The following DQX1 variants were observed in gnomAD, a reference collection of about 807,000 sequenced individuals.
DQX1 encodes ATP-dependent RNA helicase homolog DQX1.
A neutral mutation model predicts 81.3 loss-of-function variants in DQX1; 66 were observed. That is an observed-to-expected ratio of 0.81 (90% confidence interval 0.67 to 1.00). DQX1 has a LOEUF of 1.00. Among genes scored for constraint, DQX1 ranks in the 50% least tolerant of loss-of-function variants. The pLI is 0.00. For synonymous variants in DQX1, 290 were observed against 350.0 expected (o/e 0.83, Z 1.91); for missense variants, 798 against 867.9 (o/e 0.92, Z 1.01).
chr2:74,519,302 G>C (rs1028956361), intron 10 of DQX1, 72 bp from the exon 11 acceptor site: 2 of 1,477,488 alleles, frequency 1.4e-6, no homozygotes, highest in Non-Finnish European at 1.8e-6. Context: ...AAATAAAAGG[G>C]GATTGAGAAA....
At chr2:74,523,654 C>G (rs533094538) in intron 4 of DQX1, 117 bp from the exon 5 acceptor site, 21 of 1,054,216 alleles carry the variant, frequency 2.0e-5, no homozygotes, top group Middle Eastern at 6.0e-4. Context: ...GCAAATTACT[C>G]ATAAAGTTGA....
rs761014338 is a variant in DQX1, at chr2:74,523,899, TTTTTG to T, written c.816+19_816+23del. On this transcript the variant is annotated intron_variant, in intron 4 of 11. Transcript: ENST00000404568. ...TGCAGGCTCATTTTGCAGGCTGTTTTTTTTGTTTTGTTTTGTTTTTTACCTCCTCA... is the reference window on the plus strand; with the variant it reads ...TGCAGGCTCATTTTGCAGGCTGTTTTTTTTGTTTTGTTTTTTACCTCCTCA... 5.9e-6 allele frequency: 9 copies of T among 1,527,048 alleles called. No individual in the cohort carries two copies. The highest frequency in any genetic ancestry group is 2.6e-5 in the South Asian group (2 of 77,672). 94.6% of individuals were successfully genotyped at this position (1,527,048 alleles called of 1,614,324 possible). A position where few individuals can be genotyped will look rare whatever the true frequency, so the allele number is the denominator to read the frequency against.
intron 3 of DQX1, 121 bp downstream of exon 3, chr2:74,524,888 T>C (rs774460326): frequency 4.7e-6 from 6 of 1,277,370 alleles, no homozygotes; most frequent in Non-Finnish European, 4.3e-6. Context: ...TTCTCCAAAA[T>C]AAATAAAATA....
Position 74,524,160 on chromosome 2 carries a change from T to C in DQX1, c.579A>G (p.Lys193=), listed in dbSNP as rs758515858. 3.1e-6 allele frequency: 5 copies of C among 1,613,888 alleles called. No individual in the cohort carries two copies. In the African/African-American group the frequency reaches 4.0e-5, roughly 13 times the overall value. Residue 193 remains lysine (K), a synonymous_variant, in exon 4 of 12, where the codon AAA becomes AAG. Coordinates refer to ENST00000404568, the MANE Select transcript of DQX1 (RefSeq NM_133637.3). ...CAACCACTCTGAGGTCCCCCGGAAG[T>C]TTTTCCAGCCTGGCATCTTGCAGTA... ...QGLLQDARLE[K]LPGDLRVVVV...
chr2:74,522,297 T>G (rs1319165534), intron 8 of DQX1, among the ~76,000 whole-genome samples: 1 of 152,106 alleles, frequency 6.6e-6, no homozygotes, highest in Non-Finnish European at 1.5e-5. Context: ...AGGATAGAAA[T>G]CATGCTGCAT....
chr2:74,525,391 A>C lies in DQX1; in HGVS notation c.237+102T>G. On this transcript the variant is annotated intron_variant, in intron 2 of 11. Coordinates refer to ENST00000404568, the MANE Select transcript of DQX1 (RefSeq NM_133637.3). The surrounding 1 kb of genome is among the most constrained non-coding windows in gnomAD (Gnocchi z 4.1). ...CCTTCCTCATGACCCCACGCAGCCCAGTCCCCCCTTGCCCAGGGAAAGGCC... is the reference window on the plus strand; with the variant it reads ...CCTTCCTCATGACCCCACGCAGCCCCGTCCCCCCTTGCCCAGGGAAAGGCC... 3.7e-6 allele frequency: 5 copies of C among 1,339,616 alleles called. No homozygotes were observed. Among genetic ancestry groups the C allele is most frequent in the Admixed American group, 2.1e-5 (1 of 46,886 alleles). 83.0% of individuals were successfully genotyped at this position (1,339,616 alleles called of 1,614,324 possible). A position where few individuals can be genotyped will look rare whatever the true frequency, so the allele number is the denominator to read the frequency against.
rs1205599692 is a variant in DQX1, at chr2:74,524,122, G to T, written c.617C>A (p.Pro206Gln). ...GDLRVVVVTD[P>Q]ALEPKLRAFW... ...AGCTCGGAGCTTAGGTTCAAGGGCT[G>T]GGTCAGTAACCACAACCACTCTGAG... is the stretch of plus-strand genomic sequence containing the variant. Residue 206 changes from proline to glutamine, a missense_variant, in exon 4 of 12, where the codon CCA (proline) becomes CAA (glutamine). Coordinates refer to ENST00000404568, the MANE Select transcript of DQX1 (RefSeq NM_133637.3). The T allele has an allele frequency of 8.1e-6, 13 of 1,614,152 alleles. No individual in the cohort carries two copies. Among genetic ancestry groups the T allele is most frequent in the Non-Finnish European group, 1.1e-5 (13 of 1,180,008 alleles).
chr2:74,523,633 T>G, intron 4 of DQX1, 96 bp from the exon 5 acceptor site: 1 of 1,210,844 alleles, frequency 8.3e-7, no homozygotes, highest in South Asian at 1.4e-5. Context: ...GGCCCTTCAC[T>G]CTGAGAAAAT....
Position 74,519,683 on chromosome 2 carries a change from T to G in DQX1, c.1679A>C (p.His560Pro). The change falls in exon 10 of 12, where the codon CAT becomes CCT. Residue 560 changes from histidine (H) to proline (P), a missense_variant. Physicochemically the swap from His to Pro is moderately conservative, Grantham distance 77 (BLOSUM62 -2). Transcript: ENST00000404568. The stretch of plus-strand genomic sequence containing the variant: ...TTCTAGGAGTTCTCCCCGAAGTTTA[T>G]GGGCTTGGCACAATGCTGCCCAATT... ...GLNWAALCQA[H>P]KLRGELLELM... 1 of 1,614,202 alleles carries G rather than the reference T, an allele frequency of 6.2e-7. No individual in the cohort carries two copies. The highest frequency in any genetic ancestry group is 8.5e-7 in the Non-Finnish European group (1 of 1,180,050).
At position 74,525,599 on chromosome 2, in the gene DQX1, G is replaced by T; in HGVS notation, c.131C>A (p.Ala44Asp). Residue 44 changes from alanine (A) to aspartate (D), a missense_variant, in exon 2 of 12, where the codon GCC (alanine) becomes GAC (aspartate). Ala to Asp is a moderately radical substitution (Grantham distance 126). Transcript: ENST00000404568. This position sits in a 1 kb window ranked among gnomAD's most constrained non-coding sequence, Gnocchi z 4.1. ...AAAGCGAGCAGCCCAGATGGGCAAG[G>T]CTTGGCGCTGCTTCAGCAGCTCATA... Reference protein sequence around the residue: ...RYYELLKQRQALPIWAARFTF... With the variant: ...RYYELLKQRQDLPIWAARFTF... 1 of 1,551,920 alleles carries T rather than the reference G, an allele frequency of 6.4e-7. No homozygotes were observed. Among genetic ancestry groups the T allele is most frequent in the Non-Finnish European group, 8.7e-7 (1 of 1,147,046 alleles).
chr2:74,520,734 C>T (rs1203271078), intron 8 of DQX1, among the ~76,000 whole-genome samples: 3 of 152,048 alleles, frequency 2.0e-5, no homozygotes, highest in Non-Finnish European at 4.4e-5. Context: ...AGTGAAGTGG[C>T]GTGATCATGG....
chr2:74,520,103 A>G lies in DQX1; in HGVS notation c.1496-69T>C, dbSNP rs193073544. 215 of 1,566,200 alleles carry G rather than the reference A, an allele frequency of 1.4e-4. 2 individuals carry two copies. The African/African-American group carries it at 2.7e-3, about 20-fold the overall frequency. On this transcript the variant is annotated intron_variant, in intron 8 of 11. Transcript: ENST00000404568. The stretch of plus-strand genomic sequence containing the variant: ...TGGGAAGGGATAGTAGTACAGGTAG[A>G]ATGCTGAAAAGGCAGAAGTGTCCCT...
In DQX1 at chr2:74,519,751, G is replaced by A. The variant is rs200550092; in HGVS notation, c.1616-5C>T. On this transcript the variant is annotated splice_polypyrimidine_tract_variant and splice_region_variant and intron_variant, in intron 9 of 11. Transcript: ENST00000404568. ...ACCAAGCCTCATCTGCTCCACCTAG[G>A]AGAGGAAAGGGACCAGCTAAACTAA... 707 of 1,614,048 alleles carry A rather than the reference G, an allele frequency of 4.4e-4. 2 individuals carry two copies. The highest frequency in any genetic ancestry group is 5.5e-4 in the Non-Finnish European group (645 of 1,179,948).
In DQX1 at chr2:74,524,423, G is replaced by A. The variant is rs545117155; in HGVS notation, c.432-116C>T. Reference sequence around the variant, plus strand: ...TTGATATTGAAGGTCAGAAAAATATGCTGTGACTTCCTGAGCCTATGGACC... The same window carrying A: ...TTGATATTGAAGGTCAGAAAAATATACTGTGACTTCCTGAGCCTATGGACC... On this transcript the variant is annotated intron_variant, in intron 3 of 11. Transcript: ENST00000404568. 7 of 1,396,368 alleles carry A rather than the reference G, an allele frequency of 5.0e-6. No homozygotes were observed. In the African/African-American group the frequency reaches 8.6e-5, roughly 17 times the overall value. 86.5% of individuals were successfully genotyped at this position (1,396,368 alleles called of 1,614,324 possible).
In DQX1 at chr2:74,525,037, C is replaced by A; in HGVS notation, c.403G>T (p.Asp135Tyr). Residue 135 changes from aspartate (D) to tyrosine (Y), a missense_variant, in exon 3 of 12, where the codon GAC (aspartate) becomes TAC (tyrosine). Asp to Tyr is a radical substitution (Grantham distance 160). Transcript: ENST00000404568. This position sits in a 1 kb window ranked among gnomAD's most constrained non-coding sequence, Gnocchi z 4.1. ...HEVGYSIPQE[D>Y]CTGPNTLLRF... The stretch of plus-strand genomic sequence containing the variant: ...AGCAGGGTGTTGGGCCCCGTGCAGT[C>A]CTCCTGGGGGATGCTGTATCCAACC... 6.2e-7 allele frequency: 1 copy of A among 1,614,138 alleles called. No homozygotes were observed. The highest frequency in any genetic ancestry group is 8.5e-7 in the Non-Finnish European group (1 of 1,180,016).
chr2:74,523,572 T>C (rs749467915), intron 4 of DQX1, 35 bp from the exon 5 acceptor site: 1 of 1,594,284 alleles, frequency 6.3e-7, no homozygotes, highest in South Asian at 1.1e-5. Context: ...TTAGGGCAGT[T>C]CTCACGTTTT....
In DQX1 at chr2:74,519,895, TA is replaced by T. The variant is rs760972225; in HGVS notation, c.1615+19del. On this transcript the variant is annotated intron_variant, in intron 9 of 11. Coordinates refer to ENST00000404568, the MANE Select transcript of DQX1 (RefSeq NM_133637.3). ...CCTCTTTGGAAAATCTGGGATTCTA[TA>T]AAAGGATGCAGAACTCACTTTGTAT... 6.2e-7 allele frequency: 1 copy of T among 1,609,350 alleles called. No individual in the cohort carries two copies. Among genetic ancestry groups the T allele is most frequent in the South Asian group, 1.1e-5 (1 of 90,766 alleles).
In DQX1 at chr2:74,522,863, G is replaced by T. The variant is rs1456991315; in HGVS notation, c.1296C>A (p.Asp432Glu). 5 of 1,613,740 alleles carry T rather than the reference G, an allele frequency of 3.1e-6. No individual in the cohort carries two copies. Among genetic ancestry groups the T allele is most frequent in the Non-Finnish European group, 4.2e-6 (5 of 1,179,762 alleles). ...IAEPGECHFLDQPAPEALMQA... is the reference protein window; with the variant it reads ...IAEPGECHFLEQPAPEALMQA... Reference sequence around the variant, plus strand: ...GGCAGGAGAGGTGCTCACCAGGCTGGTCCAGGAAGTGACACTCCCCTGGCT... The same window carrying T: ...GGCAGGAGAGGTGCTCACCAGGCTGTTCCAGGAAGTGACACTCCCCTGGCT... The change falls in exon 7 of 12, where the codon GAC (aspartate) becomes GAA (glutamate). Residue 432 changes from aspartate to glutamate, a missense_variant. Transcript: ENST00000404568.
rs1293765350 is a variant in DQX1, at chr2:74,519,035, C to T, written c.1997+5G>A. The T allele has an allele frequency of 3.8e-6, 6 of 1,567,138 alleles. No homozygotes were observed. The highest frequency in any genetic ancestry group is 5.2e-6 in the Non-Finnish European group (6 of 1,155,694). ...GCAGTATAGGAGGGATGTCAGGGAA[C>T]TCACATCTGTGGTTGAATCTCAGAA... is the stretch of plus-strand genomic sequence containing the variant. On this transcript the variant is annotated splice_donor_5th_base_variant and intron_variant, in intron 11 of 11. Transcript: ENST00000404568.
Sources: allele counts gnomAD v4.1 joint callset (sites outside exome capture counted in the v4.1 genomes callset), GRCh38; gene constraint gnomAD v4.1.1; non-coding constraint Gnocchi (gnomAD v3.1); transcripts MANE v1.5; gene names NCBI Gene and HGNC (gene_info 2026-07-23, HGNC 2026-07-21).